SRGAP3: variants seen among roughly 807,000 people sequenced by gnomAD.
SRGAP3 encodes SLIT-ROBO Rho GTPase-activating protein 3.
SRGAP3 carries 39 observed loss-of-function variants against 121.1 expected under a neutral mutation model. The ratio of observed to expected loss-of-function variants is 0.32; its 90% CI spans 0.25 to 0.42. The LOEUF (loss-of-function observed/expected upper bound fraction) is 0.42. SRGAP3 is among the 10% of genes least tolerant of loss of function. SRGAP3 has a pLI of 1.00. For synonymous variants in SRGAP3, 601 were observed against 570.0 expected (o/e 1.05, Z -0.77); for missense variants, 1,213 against 1,470.6 (o/e 0.82, Z 2.86).
chr3:8,999,403 C>T lies in SRGAP3; in HGVS notation c.2228-4880G>A, dbSNP rs201646942. On this transcript the variant is annotated intron_variant, in intron 18 of 21. Transcript: ENST00000383836. ...TTTATTTCAGAATCTGAAGGTTGGA[C>T]ATTTATGCTTCTCTACCCATCAAAT... is the stretch of plus-strand genomic sequence containing the variant. 8.5e-5 allele frequency among the ~76,000 whole-genome samples: 13 copies of T among 152,320 alleles called. 1 individual carries two copies. The East Asian group carries it at 2.5e-3, about 29-fold the overall frequency.
intron 10 of SRGAP3, among the ~76,000 whole-genome samples, chr3:9,041,929 C>T (rs1411505899): frequency 6.6e-6 from 1 of 151,980 alleles, no homozygotes; most frequent in African/African-American, 2.4e-5. Flanking sequence ...GGTGAAACCC[C>T]ATCTCTACTA....
chr3:9,287,361 T>C (rs1455511402), intron 3 of SRGAP3, among the ~76,000 whole-genome samples: 4 of 152,212 alleles, frequency 2.6e-5, no homozygotes, highest in Non-Finnish European at 5.9e-5. Context: ...GTATATTCTT[T>C]AGAATTTCCC....
chr3:8,984,143 TCAC>T lies in SRGAP3; in HGVS notation c.*1373_*1375del. 4.3e-6 allele frequency: 1 copy of T among 231,024 alleles called. No homozygotes were observed. Among genetic ancestry groups the T allele is most frequent in the South Asian group, 1.8e-4 (1 of 5,480 alleles). The allele number at this position is 231,024 out of a possible 1,614,324, so 14.3% of individuals were successfully genotyped here. On this transcript the variant is annotated 3_prime_UTR_variant, in exon 22 of 22. Coordinates refer to ENST00000383836, the MANE Select transcript of SRGAP3 (RefSeq NM_014850.4). Reference sequence around the variant, plus strand: ...CGTGAAGATCATGCACCCATTTCTATCACCACATTTTCATCTACACTAAATGTT... The same window carrying T: ...CGTGAAGATCATGCACCCATTTCTATCACATTTTCATCTACACTAAATGTT...
Position 9,078,220 on chromosome 3 carries a change from C to T in SRGAP3, c.486+1805G>A, listed in dbSNP as rs538811463. 4.6e-5 allele frequency among the ~76,000 whole-genome samples: 7 copies of T among 152,112 alleles called. No individual in the cohort carries two copies. In the East Asian group the frequency reaches 9.7e-4, roughly 21 times the overall value. ...TAGAGGGCACCAAGAAGAGGAGCCC[C>T]GCTGGAGGTCACAGCAAAAGTAAGA... On this transcript the variant is annotated intron_variant, in intron 4 of 21. Coordinates refer to ENST00000383836, the MANE Select transcript of SRGAP3 (RefSeq NM_014850.4).
intron 1 of SRGAP3, among the ~76,000 whole-genome samples, chr3:9,247,306 G>A (rs1953859215): frequency 6.6e-6 from 1 of 152,090 alleles, no homozygotes; most frequent in Non-Finnish European, 1.5e-5. Flanking sequence ...CAGCAAGGCT[G>A]AGACATCGTA....
chr3:9,216,839 G>C (rs2125190559), intron 1 of SRGAP3: 1 of 152,630 alleles, frequency 6.6e-6, no homozygotes, highest in South Asian at 2.1e-4. Context: ...GCCTTAAAAA[G>C]GAAGGGAATT....
At chr3:9,016,763 G>T (rs1158371133) in intron 14 of SRGAP3, among the ~76,000 whole-genome samples, 1 of 152,188 alleles carries the variant, frequency 6.6e-6, no homozygotes, top group African/African-American at 2.4e-5. Flanking sequence ...CACTGGGGTT[G>T]CAAAACGGTG....
rs778301985 is a variant in SRGAP3, at chr3:9,060,136, C to G, written c.801+95G>C. On this transcript the variant is annotated intron_variant, in intron 6 of 21. Coordinates refer to ENST00000383836, the MANE Select transcript of SRGAP3 (RefSeq NM_014850.4). The stretch of plus-strand genomic sequence containing the variant: ...AAGAGCTGTGGCTACCCGAGAATGT[C>G]AGGTAAAGACAAAGACCAGCCCCTC... 3.8e-6 allele frequency: 6 copies of G among 1,591,960 alleles called. No individual in the cohort carries two copies. The Admixed American group carries it at 1.0e-4, about 27-fold the overall frequency.
chr3:9,098,917 C>T (rs563999001), intron 3 of SRGAP3, among the ~76,000 whole-genome samples: 8 of 152,136 alleles, frequency 5.3e-5, no homozygotes, highest in African/African-American at 1.7e-4. Context: ...CCCTGGGAGA[C>T]GGTGGAGATT....
chr3:9,061,911 C>T (rs1282132576), intron 5 of SRGAP3, among the ~76,000 whole-genome samples: 1 of 152,114 alleles, frequency 6.6e-6, no homozygotes, highest in Non-Finnish European at 1.5e-5. Flanking sequence ...CTGATGAGTC[C>T]CATTGCTGTG....
chr3:9,245,548 T>C (rs1387048933), intron 1 of SRGAP3, among the ~76,000 whole-genome samples: 1 of 152,210 alleles, frequency 6.6e-6, no homozygotes, highest in Non-Finnish European at 1.5e-5. Flanking sequence ...GACACATCTG[T>C]CTTATTTTGT....
At chr3:9,137,654 G>A (rs1255475348) in intron 1 of SRGAP3, among the ~76,000 whole-genome samples, 2 of 152,218 alleles carry the variant, frequency 1.3e-5, no homozygotes. Context: ...TGGTCTGAAA[G>A]CAGAAATCCA....
chr3:9,059,902 T>C (rs1311785661), intron 6 of SRGAP3: 1 of 386,996 alleles, frequency 2.6e-6, no homozygotes, highest in Admixed American at 3.7e-5. Context: ...ATGAACTGTG[T>C]ATGGTTCCCC....
chr3:9,073,003 C>T (rs1474001052), intron 4 of SRGAP3, among the ~76,000 whole-genome samples: 1 of 152,226 alleles, frequency 6.6e-6, no homozygotes. Context: ...CTGGCAGGCA[C>T]AAGCTTGAAT....
intron 3 of SRGAP3, among the ~76,000 whole-genome samples, chr3:9,301,302 G>A (rs1430117996): frequency 6.6e-6 from 1 of 152,218 alleles, no homozygotes; most frequent in East Asian, 1.9e-4. Flanking sequence ...TTACATCCGG[G>A]ATGGCCCAGA....
At position 9,319,286 on chromosome 3, in the gene SRGAP3, G is replaced by C. The variant is rs116107359; in HGVS notation, n.442+6724C>G. Among the ~76,000 whole-genome samples, 636 of 151,976 alleles carry C rather than the reference G, an allele frequency of 4.2e-3. 6 individuals are homozygous for C. Among genetic ancestry groups the C allele is most frequent in the Admixed American group, 5.9e-3 (91 of 15,304 alleles). ...GGCTCATTCCTTTGTACCTTAGCTT[G>C]TCCTCCAAAAGAGAAAGGGACAGAG... On this transcript the variant is annotated intron_variant and non_coding_transcript_variant, in intron 3 of 3. Coordinates refer to the SRGAP3 transcript ENST00000490889.
At chr3:9,312,015 A>C (rs1202539709) in intron 3 of SRGAP3, among the ~76,000 whole-genome samples, 1 of 152,222 alleles carries the variant, frequency 6.6e-6, no homozygotes, top group Non-Finnish European at 1.5e-5. Context: ...AAGTTGAGCA[A>C]ATGTTATAAT....
At chr3:9,289,223 T>A (rs186835588) in intron 3 of SRGAP3, among the ~76,000 whole-genome samples, 1 of 152,200 alleles carries the variant, frequency 6.6e-6, no homozygotes, top group Admixed American at 6.5e-5. Flanking sequence ...TAATTCTTTA[T>A]TCACAATTTT....
intron 1 of SRGAP3, among the ~76,000 whole-genome samples, chr3:9,163,807 C>T (rs952807360): frequency 3.9e-5 from 6 of 152,202 alleles, no homozygotes; most frequent in African/African-American, 1.4e-4. Flanking sequence ...AACACTGACA[C>T]TCCCAGTGGA....
Sources: allele counts gnomAD v4.1 joint callset (sites outside exome capture counted in the v4.1 genomes callset), GRCh38; gene constraint gnomAD v4.1.1; transcripts MANE v1.5; gene names NCBI Gene and HGNC (gene_info 2026-07-23, HGNC 2026-07-21).